GP9: variants seen among roughly 807,000 people sequenced by gnomAD.
GP9 encodes platelet glycoprotein IX.
For missense variants in GP9, 228 were observed against 241.8 expected (o/e 0.94, Z 0.38); for synonymous variants, 116 against 116.7 (o/e 0.99, Z 0.04).
Position 129,061,850 on chromosome 3 carries a change from C to T in GP9, c.111C>T (p.Asp37=), listed in dbSNP as rs1231133307. Residue 37 remains aspartate (D), a synonymous_variant, in exon 3 of 3, where the codon GAC becomes GAT. Transcript: ENST00000307395. ...TGGAAACCATGGGGCTGTGGGTGGA[C>T]TGCAGGGGCCACGGACTCACGGCCC... ...RALETMGLWV[D]CRGHGLTALP... is the part of the protein sequence containing the mutation. The T allele has an allele frequency of 3.1e-6, 5 of 1,612,304 alleles. No individual in the cohort carries two copies. The highest frequency in any genetic ancestry group is 1.1e-5 in the South Asian group (1 of 90,872).
At chr3:129,057,723 T>G (rs994920602), upstream of GP9, among the ~76,000 whole-genome samples, 20 of 152,094 alleles carry the variant, frequency 1.3e-4, no homozygotes, top group Admixed American at 6.5e-4. Flanking sequence ...GAAGTGACTC[T>G]TCAGAGGAGT....
the GP9 span, among the ~76,000 whole-genome samples, chr3:129,055,243 G>A: frequency 2.6e-5 from 4 of 152,124 alleles, no homozygotes; most frequent in African/African-American, 4.8e-5. Context: ...CAGTTTGGCA[G>A]GGGCTTATAA....
chr3:129,062,363 A>C lies in GP9; in HGVS notation c.*90A>C. 1 of 877,106 alleles carries C rather than the reference A, an allele frequency of 1.1e-6. No individual in the cohort carries two copies. The highest frequency in any genetic ancestry group is 1.7e-6 in the Non-Finnish European group (1 of 573,420). The allele number at this position is 877,106 out of a possible 1,614,324, so 54.3% of individuals were successfully genotyped here. A position where few individuals can be genotyped will look rare whatever the true frequency, so the allele number is the denominator to read the frequency against. Reference sequence around the variant, plus strand: ...CCACCAAGCCTGGTCAGCCCAAACCACCAGAAGCCCAGAATAAACTGGCAG... The same window carrying C: ...CCACCAAGCCTGGTCAGCCCAAACCCCCAGAAGCCCAGAATAAACTGGCAG... On this transcript the variant is annotated 3_prime_UTR_variant, in exon 3 of 3. Coordinates refer to ENST00000307395, the MANE Select transcript of GP9 (RefSeq NM_000174.5).
upstream of GP9, among the ~76,000 whole-genome samples, chr3:129,057,163 G>C (rs1040233506): frequency 5.3e-5 from 8 of 152,206 alleles, no homozygotes; most frequent in Non-Finnish European, 1.0e-4. Context: ...CTGCCCTCTT[G>C]AGTTTCACAT....
the GP9 span, among the ~76,000 whole-genome samples, chr3:129,055,644 CTTTCT>C: frequency 3.2e-4 from 47 of 148,588 alleles, no homozygotes; most frequent in African/African-American, 1.1e-3. Flanking sequence ...TTCTTTCTTT[CTTTCT>C]TTTTTTTTTT....
At chr3:129,060,661 C>A (rs1407690180), upstream of GP9, 1 of 152,354 alleles carries the variant, frequency 6.6e-6, no homozygotes, top group Non-Finnish European at 1.5e-5. Flanking sequence ...AAGGCGCGGG[C>A]CCCTGAGGGC....
chr3:129,060,096 C>A (rs928618549), upstream of GP9, among the ~76,000 whole-genome samples: 4 of 152,186 alleles, frequency 2.6e-5, no homozygotes, highest in Non-Finnish European at 5.9e-5. Flanking sequence ...TTAAAGGAAG[C>A]TTTATGTCAC....
chr3:129,057,056 A>G (rs113101705), upstream of GP9, among the ~76,000 whole-genome samples: 1 of 152,340 alleles, frequency 6.6e-6, no homozygotes, highest in South Asian at 2.1e-4. Context: ...CCAGCACTAG[A>G]GAAGAGACAG....
chr3:129,055,296 T>C, the GP9 span, among the ~76,000 whole-genome samples: 2 of 152,252 alleles, frequency 1.3e-5, no homozygotes, highest in Non-Finnish European at 2.9e-5. Flanking sequence ...TAGAATCAGT[T>C]CTCTTTTTAA....
At chr3:129,057,761 A>C (rs1391154662), upstream of GP9, among the ~76,000 whole-genome samples, 1 of 152,000 alleles carries the variant, frequency 6.6e-6, no homozygotes, top group African/African-American at 2.4e-5. Context: ...CAGAAAAATC[A>C]GATGGTAATT....
At position 129,062,045 on chromosome 3, in the gene GP9, C is replaced by T. The variant is rs777573986; in HGVS notation, c.306C>T (p.Asp102=). The T allele has an allele frequency of 1.2e-6, 2 of 1,613,082 alleles. No individual in the cohort carries two copies. The highest frequency in any genetic ancestry group is 2.2e-5 in the South Asian group (2 of 91,082). ...CCTATCTGCGCCTCTGGCTGGAGGA[C>T]CGCACGCCCGAGGCCCTGCTGCAGG... is the stretch of plus-strand genomic sequence containing the variant. ...SLTYLRLWLE[D]RTPEALLQVR... Residue 102 remains aspartate (D), a synonymous_variant, in exon 3 of 3, where the codon GAC becomes GAT. Coordinates refer to ENST00000307395, the MANE Select transcript of GP9 (RefSeq NM_000174.5).
At chr3:129,058,072 C>T (rs529293107), upstream of GP9, among the ~76,000 whole-genome samples, 9 of 152,022 alleles carry the variant, frequency 5.9e-5, no homozygotes, top group Non-Finnish European at 1.0e-4. Context: ...TTTAGGCAGA[C>T]CTAAAGTGAT....
upstream of GP9, among the ~76,000 whole-genome samples, chr3:129,056,638 C>A (rs75884257): frequency 2.8e-4 from 43 of 152,254 alleles, 1 homozygote; most frequent in East Asian, 8.1e-3. Context: ...CTAGTGGGTG[C>A]TGAGGTTCTC....
At position 129,062,146 on chromosome 3, in the gene GP9, G is replaced by A. The variant is rs1415979819; in HGVS notation, c.407G>A (p.Gly136Asp). Residue 136 changes from glycine to aspartate, a missense_variant, in exon 3 of 3, where the codon GGC (glycine) becomes GAC (aspartate). Physicochemically the swap from Gly to Asp is moderately conservative, Grantham distance 94. Coordinates refer to ENST00000307395, the MANE Select transcript of GP9 (RefSeq NM_000174.5). ...RLTGYQLGSC[G>D]WQLQASWVRP... ...ACAGGCTACCAGCTGGGCAGCTGTGGCTGGCAGCTGCAGGCGTCCTGGGTG... is the reference window on the plus strand; with the variant it reads ...ACAGGCTACCAGCTGGGCAGCTGTGACTGGCAGCTGCAGGCGTCCTGGGTG... 1 of 1,586,646 alleles carries A rather than the reference G, an allele frequency of 6.3e-7. No homozygotes were observed. Among genetic ancestry groups the A allele is most frequent in the South Asian group, 1.1e-5 (1 of 88,722 alleles).
intron 1 of GP9, among the ~76,000 whole-genome samples, 171 bp from the exon 2 acceptor site, chr3:129,061,323 C>T (rs948321931): frequency 1.3e-5 from 2 of 152,176 alleles, no homozygotes; most frequent in Admixed American, 6.5e-5. Context: ...GTGCTGGGCG[C>T]AGCCTGCAGG....
At chr3:129,059,967 T>C (rs1177304042), upstream of GP9, among the ~76,000 whole-genome samples, 1 of 152,226 alleles carries the variant, frequency 6.6e-6, no homozygotes, top group Non-Finnish European at 1.5e-5. Flanking sequence ...TTTTATTTAT[T>C]TTTTAAGACG....
rs148622572 is a variant in GP9, at chr3:129,062,042, G to A, written c.303G>A (p.Glu101=). ...CSLTYLRLWL[E]DRTPEALLQV... ...TCACCTATCTGCGCCTCTGGCTGGAGGACCGCACGCCCGAGGCCCTGCTGC... is the reference window on the plus strand; with the variant it reads ...TCACCTATCTGCGCCTCTGGCTGGAAGACCGCACGCCCGAGGCCCTGCTGC... The change falls in exon 3 of 3, where the codon GAG becomes GAA. Residue 101 remains glutamate, a synonymous_variant. Coordinates refer to ENST00000307395, the MANE Select transcript of GP9 (RefSeq NM_000174.5). 31 of 1,613,230 alleles carry A rather than the reference G, an allele frequency of 1.9e-5. No homozygotes were observed. In the African/African-American group the frequency reaches 2.9e-4, roughly 15 times the overall value.
At chr3:129,055,994 G>A (rs115269908), upstream of GP9, among the ~76,000 whole-genome samples, 855 of 152,250 alleles carry the variant, frequency 5.6e-3, 6 homozygotes, top group African/African-American at 0.02. Context: ...CCCTGCCCAT[G>A]ATGACTTCCA....
chr3:129,061,113 G>A (rs1946570258), intron 1 of GP9, among the ~76,000 whole-genome samples: 1 of 152,192 alleles, frequency 6.6e-6, no homozygotes, highest in Non-Finnish European at 1.5e-5. Context: ...GTGTGAGTCT[G>A]GCCTCTGACA....
Sources: allele counts gnomAD v4.1 joint callset (sites outside exome capture counted in the v4.1 genomes callset), GRCh38; gene constraint gnomAD v4.1.1; transcripts MANE v1.5; gene names NCBI Gene and HGNC (gene_info 2026-07-23, HGNC 2026-07-21).